Variants in EYS observed in about 807,000 individuals in gnomAD.
EYS encodes the protein EGF-like photoreceptor maintenance factor.
A neutral mutation model predicts 282.1 loss-of-function variants in EYS; 250 were observed. That is an observed-to-expected ratio of 0.89 (90% confidence interval 0.80 to 0.98). EYS has a LOEUF of 0.98. Ranked by LOEUF, EYS falls within the 50% of genes least tolerant of loss-of-function variation. The probability of loss-of-function intolerance (pLI) is 0.00; values close to 1 mark genes in which losing one functional copy is unlikely to be tolerated. For synonymous variants in EYS, 1,355 were observed against 1,282.9 expected (o/e 1.06, Z -1.20); for missense variants, 4,016 against 3,709.0 (o/e 1.08, Z -2.15).
intron 11 of EYS, among the ~76,000 whole-genome samples, chr6:65,309,435 T>C (rs943698255): frequency 1.3e-5 from 2 of 152,206 alleles, no homozygotes; most frequent in Admixed American, 1.3e-4. Flanking sequence ...TGGGGCCTGA[T>C]AGACTTGTCA....
At chr6:64,736,992 A>C (rs935956034) in intron 22 of EYS, among the ~76,000 whole-genome samples, 3 of 152,192 alleles carry the variant, frequency 2.0e-5, no homozygotes, top group Admixed American at 6.5e-5. Flanking sequence ...GTGTATTTTC[A>C]TTTTATATTA....
intron 2 of EYS, among the ~76,000 whole-genome samples, chr6:65,508,456 G>A (rs531391137): frequency 3.3e-5 from 5 of 151,952 alleles, no homozygotes; most frequent in Admixed American, 1.3e-4. Context: ...GGCAGATCAC[G>A]AGGTCAGGAG....
intron 11 of EYS, among the ~76,000 whole-genome samples, chr6:65,298,028 T>A (rs1353952110): frequency 6.6e-6 from 1 of 152,074 alleles, no homozygotes; most frequent in Non-Finnish European, 1.5e-5. Context: ...TAATGCTGTT[T>A]GTTATTCCAT....
intron 15 of EYS, among the ~76,000 whole-genome samples, chr6:64,941,388 A>T (rs1769086072): frequency 6.6e-6 from 1 of 152,094 alleles, no homozygotes; most frequent in South Asian, 2.1e-4. Context: ...TCAAAAAAAA[A>T]ATTTACAAAT....
chr6:64,756,054 A>G (rs1772927319), intron 22 of EYS, among the ~76,000 whole-genome samples: 1 of 152,120 alleles, frequency 6.6e-6, no homozygotes, highest in Admixed American at 6.6e-5. Flanking sequence ...TCATTAGCAA[A>G]TTATTAAATA....
rs1276691393 is a variant in EYS at position 63,984,565 on chromosome 6, T to C, written c.6873A>G (p.Ala2291=). ...CTGCTTTCTTATGAATTTGAACATT[T>C]GCAGGAATATGGCCAAGGAACATTG... ...FESMFLGHIP[A]NVQIHKKAGP... Residue 2291 remains alanine, a synonymous_variant, in exon 35 of 43, where the codon GCA becomes GCG. Transcript: ENST00000503581. 4 of 1,549,562 alleles carry C rather than the reference T, an allele frequency of 2.6e-6. No individual in the cohort carries two copies. The African/African-American group carries it at 4.1e-5, about 16-fold the overall frequency.
chr6:64,739,977 A>G (rs1338021765), intron 22 of EYS, among the ~76,000 whole-genome samples: 1 of 152,160 alleles, frequency 6.6e-6, no homozygotes, highest in East Asian at 1.9e-4. Flanking sequence ...AAAAAAATAT[A>G]AGAAACTCTT....
Position 64,596,464 on chromosome 6 carries a change from T to C in EYS, c.3685-3155A>G, listed in dbSNP as rs1766590820. ...CATCATACTCTCTGACTTTAAATTA[T>C]ACTATGTAGCTACAGTAACTTAAAG... On this transcript the variant is annotated intron_variant, in intron 24 of 42. Transcript: ENST00000503581. Among the ~76,000 whole-genome samples, 3 of 152,172 alleles carry C rather than the reference T, an allele frequency of 2.0e-5. No individual in the cohort carries two copies. The South Asian group carries it at 6.2e-4, about 32-fold the overall frequency.
chr6:65,424,120 A>T (rs1413868945), intron 5 of EYS, among the ~76,000 whole-genome samples: 1 of 151,960 alleles, frequency 6.6e-6, no homozygotes, highest in Non-Finnish European at 1.5e-5. Context: ...TCATTAACTC[A>T]GCCAAAGACT....
At chr6:64,537,823 C>T (rs1764575313) in intron 26 of EYS, among the ~76,000 whole-genome samples, 1 of 152,120 alleles carries the variant, frequency 6.6e-6, no homozygotes, top group Non-Finnish European at 1.5e-5. Context: ...ATTGCAACCA[C>T]CTCTGGGGTA....
intron 28 of EYS, among the ~76,000 whole-genome samples, chr6:64,403,812 A>C (rs1773616691): frequency 6.6e-6 from 1 of 152,222 alleles, no homozygotes; most frequent in Non-Finnish European, 1.5e-5. Flanking sequence ...TGATAAAGCA[A>C]GACTGCTTAT....
At chr6:64,408,196 T>A (rs1344699468) in intron 28 of EYS, among the ~76,000 whole-genome samples, 3 of 151,734 alleles carry the variant, frequency 2.0e-5, no homozygotes, top group Non-Finnish European at 2.9e-5. Context: ...TAAATAATAA[T>A]AAATAATGAG....
chr6:65,119,951 G>C (rs1234178918), intron 12 of EYS, among the ~76,000 whole-genome samples: 1 of 151,182 alleles, frequency 6.6e-6, no homozygotes, highest in Non-Finnish European at 1.5e-5. Context: ...TCCTGGCTAA[G>C]ACCGTGAAAC....
At chr6:65,201,309 T>C (rs902740131) in intron 12 of EYS, among the ~76,000 whole-genome samples, 1 of 152,234 alleles carries the variant, frequency 6.6e-6, no homozygotes, top group African/African-American at 2.4e-5. Context: ...AATAAATGTC[T>C]TCTAAATGCT....
intron 35 of EYS, among the ~76,000 whole-genome samples, chr6:63,907,081 T>C (rs1773796469): frequency 6.6e-6 from 1 of 152,192 alleles, no homozygotes; most frequent in Non-Finnish European, 1.5e-5. Flanking sequence ...TGGTGTTCTA[T>C]TTCCATAACT....
intron 22 of EYS, among the ~76,000 whole-genome samples, chr6:64,796,692 G>C (rs918434280): frequency 6.6e-6 from 1 of 152,064 alleles, no homozygotes; most frequent in African/African-American, 2.4e-5. Context: ...ACTGTACGTT[G>C]AGCCAGAAAG....
chr6:65,497,245 A>C (rs1362083553), intron 2 of EYS, among the ~76,000 whole-genome samples: 1 of 152,068 alleles, frequency 6.6e-6, no homozygotes, highest in Non-Finnish European at 1.5e-5. Flanking sequence ...GTATCAATGG[A>C]AGGAATTAAG....
At position 64,978,300 on chromosome 6, in the gene EYS, C is replaced by T. The variant is rs575512147; in HGVS notation, c.2259+19282G>A. Reference sequence around the variant, plus strand: ...TAATAATTATGCTAGATCCAGTCTTCCTATGCTCTATAAATGGAAAAACAA... The same window carrying T: ...TAATAATTATGCTAGATCCAGTCTTTCTATGCTCTATAAATGGAAAAACAA... On this transcript the variant is annotated intron_variant, in intron 14 of 42. Transcript: ENST00000503581. Among the ~76,000 whole-genome samples the T allele has an allele frequency of 3.3e-5, 5 of 151,968 alleles. No homozygotes were observed. The South Asian group carries it at 1.0e-3, about 32-fold the overall frequency.
intron 41 of EYS, among the ~76,000 whole-genome samples, chr6:63,734,146 G>A (rs569338745): frequency 2.0e-5 from 3 of 152,122 alleles, no homozygotes; most frequent in Non-Finnish European, 4.4e-5. Context: ...ATGGGAGTAA[G>A]GGTTGAAAAA....
Sources: allele counts gnomAD v4.1 joint callset (sites outside exome capture counted in the v4.1 genomes callset), GRCh38; gene constraint gnomAD v4.1.1; transcripts MANE v1.5; gene names NCBI Gene and HGNC (gene_info 2026-07-23, HGNC 2026-07-21).